The following IL15 variants were observed in gnomAD, a reference collection of about 807,000 sequenced individuals.
IL15 encodes the protein interleukin 15, also known as interleukin-15.
A neutral mutation model predicts 19.6 loss-of-function variants in IL15; 11 were observed. The observed-to-expected ratio is 0.56, with a 90% CI of 0.35 to 0.93. The LOEUF (loss-of-function observed/expected upper bound fraction) is 0.93, where lower values mean the gene tolerates loss of function less well. Among genes scored for constraint, IL15 ranks in the 40% least tolerant of loss-of-function variants. IL15 has a pLI of 0.01. For synonymous variants in IL15, 58 were observed against 59.6 expected, an observed-to-expected ratio of 0.97 and a Z score of 0.12; for missense variants, 197 against 186.5, an observed-to-expected ratio of 1.06 and a Z score of -0.33.
At chr4:141,662,451 C>A (rs1727824819) in intron 2 of IL15, among the ~76,000 whole-genome samples, 1 of 152,160 alleles carries the variant, frequency 6.6e-6, no homozygotes, top group Non-Finnish European at 1.5e-5. Flanking sequence ...AGGCTACCTG[C>A]GTTAAAGTCT....
intron 2 of IL15, among the ~76,000 whole-genome samples, chr4:141,678,545 C>G (rs573403415): frequency 6.8e-6 from 1 of 146,850 alleles, no homozygotes; most frequent in African/African-American, 2.5e-5. Context: ...TTTTCTGAAG[C>G]AGAATATTTG....
chr4:141,654,484 G>T (rs561433718), intron 1 of IL15, among the ~76,000 whole-genome samples: 11 of 152,292 alleles, frequency 7.2e-5, no homozygotes, highest in Admixed American at 2.0e-4. Flanking sequence ...AAGTCACTTG[G>T]TCTCCAGGGA....
At chr4:141,727,851 A>T in intron 5 of IL15, 89 bp from the exon 6 acceptor site, 2 of 683,944 alleles carry the variant, frequency 2.9e-6, no homozygotes, top group Non-Finnish European at 5.1e-6. Context: ...AAAAGAATTA[A>T]AAACAATTTA....
Position 141,729,856 on chromosome 4 carries a change from A to G in IL15, c.250A>G (p.Lys84Glu). The G allele has an allele frequency of 6.4e-7, 1 of 1,560,638 alleles. No homozygotes were observed. The highest frequency in any genetic ancestry group is 1.1e-5 in the South Asian group (1 of 88,340). ...TAACTTTTATTTTTAGCCCAGTTGC[A>G]AAGTAACAGCAATGAAGTGCTTTCT... ...YTESDVHPSC[K>E]VTAMKCFLLE... The change falls in exon 7 of 8, where the codon AAA becomes GAA. Residue 84 changes from lysine to glutamate, a missense_variant. Physicochemically the swap from Lys to Glu is moderately conservative, Grantham distance 56. Coordinates refer to ENST00000320650, the MANE Select transcript of IL15 (RefSeq NM_000585.5).
intron 2 of IL15, among the ~76,000 whole-genome samples, chr4:141,691,374 A>G (rs1464971510): frequency 6.6e-6 from 1 of 152,052 alleles, no homozygotes; most frequent in Non-Finnish European, 1.5e-5. Flanking sequence ...GTCCTTTTCC[A>G]TTTTGAAACC....
At chr4:141,687,281 T>C (rs1030824026) in intron 2 of IL15, among the ~76,000 whole-genome samples, 1 of 152,180 alleles carries the variant, frequency 6.6e-6, no homozygotes, top group African/African-American at 2.4e-5. Context: ...GCCAAGAGCC[T>C]GGGAGATAGT....
At chr4:141,700,444 T>C (rs150053653) in intron 2 of IL15, among the ~76,000 whole-genome samples, 320 of 152,286 alleles carry the variant, frequency 2.1e-3, no homozygotes, top group African/African-American at 6.9e-3. Context: ...GGTTTAAATA[T>C]AGGGCCCCAA....
intron 2 of IL15, among the ~76,000 whole-genome samples, chr4:141,697,517 T>G (rs570965069): frequency 6.6e-6 from 1 of 151,940 alleles, no homozygotes; most frequent in African/African-American, 2.4e-5. Context: ...CCATATGAAT[T>G]TTAGGATTGT....
intron 1 of IL15, among the ~76,000 whole-genome samples, chr4:141,640,775 T>G (rs1727016292): frequency 6.6e-6 from 1 of 152,214 alleles, no homozygotes; most frequent in Admixed American, 6.5e-5. Flanking sequence ...AATGGATTTT[T>G]AAAAAGTCTG....
At chr4:141,671,674 A>G (rs796574895) in intron 2 of IL15, among the ~76,000 whole-genome samples, 13 of 152,332 alleles carry the variant, frequency 8.5e-5, no homozygotes, top group African/African-American at 2.9e-4. Flanking sequence ...CAGCAGAAAC[A>G]GTCAAAGATG....
intron 2 of IL15, among the ~76,000 whole-genome samples, chr4:141,661,366 C>T (rs767900706): frequency 1.1e-4 from 17 of 152,022 alleles, no homozygotes; most frequent in Non-Finnish European, 5.9e-5. Context: ...TTTTTGTTCC[C>T]ATAAGAGGCA....
chr4:141,679,995 A>T (rs941238758), intron 2 of IL15, among the ~76,000 whole-genome samples: 2 of 152,246 alleles, frequency 1.3e-5, no homozygotes, highest in Non-Finnish European at 2.9e-5. Context: ...ACCAAAACAG[A>T]ACAAAACTAT....
At chr4:141,721,618 C>A in intron 4 of IL15, 2 of 527,302 alleles carry the variant, frequency 3.8e-6, no homozygotes. Context: ...TTGAGCATTG[C>A]CACACATCTG....
At chr4:141,721,324 A>C (rs546326290) in intron 4 of IL15, 1 of 634,082 alleles carries the variant, frequency 1.6e-6, no homozygotes, top group South Asian at 1.8e-5. Context: ...CTGGATATTA[A>C]ATTTTAATTT....
chr4:141,649,494 T>G (rs112566125), intron 1 of IL15, among the ~76,000 whole-genome samples: 12 of 152,092 alleles, frequency 7.9e-5, no homozygotes, highest in African/African-American at 2.7e-4. Flanking sequence ...CTATAGAGGG[T>G]GCTACCTTGC....
intron 2 of IL15, among the ~76,000 whole-genome samples, chr4:141,684,204 C>T (rs982133631): frequency 5.3e-5 from 8 of 152,126 alleles, no homozygotes; most frequent in African/African-American, 1.7e-4. Flanking sequence ...CTCTTCAGTA[C>T]TCAGTAGTCT....
Position 141,729,962 on chromosome 4 carries a change from A to G in IL15, c.356A>G (p.Asn119Ser), listed in dbSNP as rs1730396728. 1.2e-6 allele frequency: 2 copies of G among 1,609,220 alleles called. No homozygotes were observed. Among genetic ancestry groups the G allele is most frequent in the East Asian group, 4.5e-5 (2 of 44,850 alleles). ...DTVENLIILA[N>S]NSLSSNGNVT... ...GTAGAAAATCTGATCATCCTAGCAA[A>G]CAACAGTTTGTCTTCTAATGGGGTG... is the stretch of plus-strand genomic sequence containing the variant. Residue 119 changes from asparagine (N) to serine (S), a missense_variant, in exon 7 of 8, where the codon AAC becomes AGC. By Grantham distance (46) the Asn-to-Ser change is conservative. Transcript: ENST00000320650.
chr4:141,715,214 C>G (rs1729842217), intron 2 of IL15: 1 of 152,292 alleles, frequency 6.6e-6, no homozygotes, highest in Non-Finnish European at 1.5e-5. Flanking sequence ...ATGTATCTAT[C>G]TCCACTGCTA....
intron 2 of IL15, chr4:141,719,035 GTATT>G (rs1247488257): frequency 1.3e-5 from 2 of 155,886 alleles, no homozygotes; most frequent in African/African-American, 4.8e-5. Flanking sequence ...ACAAATCTAA[GTATT>G]TGTTTGTTTT....
Sources: gnomAD v4.1 joint callset for allele counts (sites outside exome capture counted in the v4.1 genomes callset) on GRCh38, gnomAD v4.1.1 for gene constraint, MANE v1.5 for transcripts, NCBI Gene and HGNC (gene_info 2026-07-23, HGNC 2026-07-21) for gene names.